The following KCNJ3 variants were observed in gnomAD, a reference collection of about 807,000 sequenced individuals.
The protein encoded by KCNJ3 is potassium inwardly rectifying channel subfamily J member 3.
A neutral mutation model predicts 39.2 loss-of-function variants in KCNJ3; 4 were observed. The observed-to-expected ratio is 0.10, with a 90% CI of 0.05 to 0.23. The LOEUF is 0.23. Ranked by LOEUF, KCNJ3 falls within the 10% of genes least tolerant of loss-of-function variation. KCNJ3 has a pLI of 1.00. For missense variants in KCNJ3, 276 were observed against 634.9 expected (o/e 0.43, Z 6.08); for synonymous variants, 230 against 237.4 (o/e 0.97, Z 0.29).
At chr2:154,842,130 G>T (rs937400471) in intron 2 of KCNJ3, among the ~76,000 whole-genome samples, 1 of 152,032 alleles carries the variant, frequency 6.6e-6, no homozygotes, top group Non-Finnish European at 1.5e-5. Flanking sequence ...CAGAGATTCT[G>T]GTACATTGTG....
chr2:154,748,262 T>C lies in KCNJ3; in HGVS notation c.919+38443T>C, dbSNP rs558132431. On this transcript the variant is annotated intron_variant, in intron 2 of 2. Coordinates refer to ENST00000295101, the MANE Select transcript of KCNJ3 (RefSeq NM_002239.4). ...TTTATAAAAGAAATGTGACTTTCAT[T>C]TTAAAGTTAACTTAAAATCACTTGA... Among the ~76,000 whole-genome samples, 8 of 152,210 alleles carry C rather than the reference T, an allele frequency of 5.3e-5. No individual in the cohort carries two copies. The South Asian group carries it at 1.7e-3, about 32-fold the overall frequency.
chr2:154,850,651 G>T (rs927045574), intron 2 of KCNJ3, among the ~76,000 whole-genome samples: 1 of 152,120 alleles, frequency 6.6e-6, no homozygotes, highest in Non-Finnish European at 1.5e-5. Flanking sequence ...TTGTGAATTG[G>T]AAATGTCTGC....
chr2:154,734,739 C>T (rs1172935134), intron 2 of KCNJ3, among the ~76,000 whole-genome samples: 1 of 151,820 alleles, frequency 6.6e-6, no homozygotes, highest in Non-Finnish European at 1.5e-5. Flanking sequence ...ACTACACATC[C>T]CTATTGATAT....
intron 2 of KCNJ3, among the ~76,000 whole-genome samples, chr2:154,852,343 C>G (rs1687769977): frequency 6.6e-6 from 1 of 152,164 alleles, no homozygotes; most frequent in Non-Finnish European, 1.5e-5. Context: ...CTGCAATGAA[C>G]TGAGATGGTG....
intron 2 of KCNJ3, among the ~76,000 whole-genome samples, chr2:154,825,093 T>C (rs1687245997): frequency 6.6e-6 from 1 of 152,196 alleles, no homozygotes; most frequent in Admixed American, 6.5e-5. Flanking sequence ...TTTTCTTTAA[T>C]ACATTCAAGG....
chr2:154,751,740 A>G (rs1359748106), intron 2 of KCNJ3, among the ~76,000 whole-genome samples: 5 of 152,070 alleles, frequency 3.3e-5, no homozygotes, highest in Non-Finnish European at 5.9e-5. Flanking sequence ...ACACTTCTGG[A>G]GGCTTGAAGC....
intron 2 of KCNJ3, among the ~76,000 whole-genome samples, chr2:154,809,757 T>G (rs1164924736): frequency 6.6e-6 from 1 of 152,184 alleles, no homozygotes; most frequent in Non-Finnish European, 1.5e-5. Flanking sequence ...ATAATTTTTT[T>G]GCCTAATACT....
At chr2:154,702,002 T>G (rs1001519335) in intron 1 of KCNJ3, among the ~76,000 whole-genome samples, 1 of 151,986 alleles carries the variant, frequency 6.6e-6, no homozygotes, top group Non-Finnish European at 1.5e-5. Flanking sequence ...TCAGCAAAAT[T>G]AGAGGGGAGA....
chr2:154,755,669 T>G lies in KCNJ3; in HGVS notation c.919+45850T>G, dbSNP rs1390189654. On this transcript the variant is annotated intron_variant, in intron 2 of 2. Coordinates refer to ENST00000295101, the MANE Select transcript of KCNJ3 (RefSeq NM_002239.4). ...TACTAAGGTTCTTATTCACATTGTT[T>G]TTACAAATCTGTTTTTCTTCTTTGC... is the stretch of plus-strand genomic sequence containing the variant. 2.6e-5 allele frequency among the ~76,000 whole-genome samples: 4 copies of G among 151,636 alleles called. No homozygotes were observed. In the Admixed American group the frequency reaches 2.6e-4, roughly 10 times the overall value.
intron 2 of KCNJ3, among the ~76,000 whole-genome samples, chr2:154,814,505 C>T (rs1687051776): frequency 6.6e-6 from 1 of 151,998 alleles, no homozygotes; most frequent in South Asian, 2.1e-4. Flanking sequence ...GGTGTGGTGG[C>T]AGGAGCCTGT....
intron 1 of KCNJ3, among the ~76,000 whole-genome samples, chr2:154,706,745 A>C (rs1380012861): frequency 6.6e-6 from 1 of 152,120 alleles, no homozygotes; most frequent in African/African-American, 2.4e-5. Flanking sequence ...GCTTCTGAAA[A>C]TGTATTTGGT....
At chr2:154,753,572 T>C (rs1363588142) in intron 2 of KCNJ3, among the ~76,000 whole-genome samples, 1 of 152,182 alleles carries the variant, frequency 6.6e-6, no homozygotes, top group Non-Finnish European at 1.5e-5. Flanking sequence ...TTTCGGATCC[T>C]GAATATTTTG....
At chr2:154,843,400 T>G (rs1687612373) in intron 2 of KCNJ3, among the ~76,000 whole-genome samples, 1 of 152,204 alleles carries the variant, frequency 6.6e-6, no homozygotes, top group African/African-American at 2.4e-5. Context: ...TTGGTGAATC[T>G]GACAATTATG....
chr2:154,834,660 C>T (rs936267085), intron 2 of KCNJ3, among the ~76,000 whole-genome samples: 1 of 144,606 alleles, frequency 6.9e-6, no homozygotes, highest in African/African-American at 2.5e-5. Context: ...ACCTGGGAGG[C>T]GGAGCTTACA....
intron 2 of KCNJ3, among the ~76,000 whole-genome samples, chr2:154,763,365 C>T (rs1686077548): frequency 6.6e-6 from 1 of 151,524 alleles, no homozygotes. Flanking sequence ...CAGGCCTAGG[C>T]TGCTTGGAAT....
chr2:154,750,451 A>G (rs2105181177), intron 2 of KCNJ3, among the ~76,000 whole-genome samples: 1 of 152,104 alleles, frequency 6.6e-6, no homozygotes, highest in African/African-American at 2.4e-5. Flanking sequence ...CCCTAATGCA[A>G]CGGTAACTTA....
rs184838833 is a variant in KCNJ3 at position 154,772,396 on chromosome 2, T to G, written c.919+62577T>G. On this transcript the variant is annotated intron_variant, in intron 2 of 2. Transcript: ENST00000295101. ...AGTCACTATGGCAAAGTGTTTCTTT[T>G]TTTATCTCAGTTCTTTTTTTAATTT... Among the ~76,000 whole-genome samples, 8 of 152,276 alleles carry G rather than the reference T, an allele frequency of 5.3e-5. No individual in the cohort carries two copies. In the East Asian group the frequency reaches 1.4e-3, roughly 26 times the overall value.
chr2:154,741,812 T>A (rs1015235390), intron 2 of KCNJ3, among the ~76,000 whole-genome samples: 1 of 151,918 alleles, frequency 6.6e-6, no homozygotes, highest in Non-Finnish European at 1.5e-5. Context: ...CATACAATCA[T>A]TGATGTAGCT....
intron 1 of KCNJ3, among the ~76,000 whole-genome samples, chr2:154,705,526 T>C (rs1684993462): frequency 6.6e-6 from 1 of 152,162 alleles, no homozygotes; most frequent in African/African-American, 2.4e-5. Context: ...TTTGGGGCTC[T>C]AAGGAAGTTC....
Sources: allele counts gnomAD v4.1 joint callset (sites outside exome capture counted in the v4.1 genomes callset), GRCh38; gene constraint gnomAD v4.1.1; transcripts MANE v1.5; gene names NCBI Gene and HGNC (gene_info 2026-07-23, HGNC 2026-07-21).